The following PON2 variants were observed in gnomAD, a reference collection of about 807,000 sequenced individuals.
PON2 encodes the protein serum paraoxonase/arylesterase 2.
A neutral mutation model predicts 36.6 loss-of-function variants in PON2; 27 were observed. That is an observed-to-expected ratio of 0.74 (90% confidence interval 0.54 to 1.02). The LOEUF is 1.02. Ranked by LOEUF, PON2 falls within the 50% of genes least tolerant of loss-of-function variation. The probability of loss-of-function intolerance (pLI) is 0.00; values close to 1 mark genes in which losing one functional copy is unlikely to be tolerated. For missense variants in PON2, 363 were observed against 421.1 expected, an observed-to-expected ratio of 0.86 and a Z score of 1.21; for synonymous variants, 149 against 156.3, an observed-to-expected ratio of 0.95 and a Z score of 0.35.
In PON2 at chr7:95,405,793, T is replaced by C. The variant is rs554668498; in HGVS notation, c.907-305A>G. 7.9e-5 allele frequency among the ~76,000 whole-genome samples: 12 copies of C among 152,154 alleles called. No homozygotes were observed. In the South Asian group the frequency reaches 2.5e-3, roughly 32 times the overall value. ...TTCACACTACTTCAACATGAACAAA[T>C]ATCACATCATGTGGTGAGCTGACAA... On this transcript the variant is annotated intron_variant, in intron 8 of 8. Transcript: ENST00000222572.
chr7:95,423,660 G>T (rs752050764), intron 2 of PON2, among the ~76,000 whole-genome samples: 9 of 152,178 alleles, frequency 5.9e-5, no homozygotes, highest in Non-Finnish European at 1.0e-4. Context: ...TCATAGCTTA[G>T]AAGATAAAAT....
At chr7:95,427,410 T>C (rs899511671) in intron 1 of PON2, among the ~76,000 whole-genome samples, 1 of 152,128 alleles carries the variant, frequency 6.6e-6, no homozygotes, top group Admixed American at 6.5e-5. Context: ...CAGACTCCGC[T>C]GTATTGAGGT....
chr7:95,424,664 A>C (rs2116496625), intron 1 of PON2, 79 bp from the exon 2 acceptor site: 1 of 1,059,956 alleles, frequency 9.4e-7, no homozygotes, highest in South Asian at 1.3e-5. Context: ...AAGGGTTTAA[A>C]GAGGCTTACA....
At chr7:95,417,620 A>G (rs867178089) in intron 2 of PON2, among the ~76,000 whole-genome samples, 7 of 150,956 alleles carry the variant, frequency 4.6e-5, no homozygotes, top group South Asian at 4.2e-4. Context: ...TCCACTGGTA[A>G]TAAGTTAAGA....
Position 95,406,158 on chromosome 7 carries a change from C to T in PON2, c.867G>A (p.Lys289=). 1 of 1,613,820 alleles carries T rather than the reference C, an allele frequency of 6.2e-7. No individual in the cohort carries two copies. Among genetic ancestry groups the T allele is most frequent in the African/African-American group, 1.3e-5 (1 of 75,016 alleles). The change falls in exon 8 of 9, where the codon AAG becomes AAA. Residue 289 remains lysine (K), a synonymous_variant. Transcript: ENST00000222572. ...IWVGCHPNGQ[K]LFVYDPNNPP... ...GATTGTTCGGGTCATACACGAAGAGCTTCTGGCCATTAGGATGACAGCCTA... is the reference window on the plus strand; with the variant it reads ...GATTGTTCGGGTCATACACGAAGAGTTTCTGGCCATTAGGATGACAGCCTA...
rs544487591 is a variant in PON2 at position 95,412,157 on chromosome 7, G to A, written c.367+155C>T. Among the ~76,000 whole-genome samples, 21 of 152,348 alleles carry A rather than the reference G, an allele frequency of 1.4e-4. No individual in the cohort carries two copies. The Middle Eastern group carries it at 0.01, about 74-fold the overall frequency. ...GTAGCATAACTTACTGCCAGCTGAAGAGGCAAATGAACAAGTTCTTTGTAA... is the reference window on the plus strand; with the variant it reads ...GTAGCATAACTTACTGCCAGCTGAAAAGGCAAATGAACAAGTTCTTTGTAA... On this transcript the variant is annotated intron_variant, in intron 4 of 8. Coordinates refer to ENST00000222572, the MANE Select transcript of PON2 (RefSeq NM_000305.3).
intron 2 of PON2, among the ~76,000 whole-genome samples, chr7:95,417,952 TA>T (rs1438498775): frequency 2.0e-5 from 3 of 152,214 alleles, no homozygotes; most frequent in Non-Finnish European, 4.4e-5. Flanking sequence ...CAAAATTGTA[TA>T]TTTTTTAATA....
Position 95,406,105 on chromosome 7 carries a change from G to T in PON2, c.906+14C>A, listed in dbSNP as rs2116447356. On this transcript the variant is annotated intron_variant, in intron 8 of 8. Transcript: ENST00000222572. ...CTTGAATAATTAAGTTTAAAAAACTGAAAATATAAAAACCTCTGACGAGGG... is the reference window on the plus strand; with the variant it reads ...CTTGAATAATTAAGTTTAAAAAACTTAAAATATAAAAACCTCTGACGAGGG... 6.2e-7 allele frequency: 1 copy of T among 1,612,126 alleles called. No individual in the cohort carries two copies. The highest frequency in any genetic ancestry group is 1.7e-5 in the Admixed American group (1 of 59,938).
intron 6 of PON2, among the ~76,000 whole-genome samples, chr7:95,408,339 A>G (rs1809760364): frequency 6.6e-6 from 1 of 152,230 alleles, no homozygotes. Context: ...AGAGAGGATG[A>G]CAACCTAAAT....
intron 6 of PON2, among the ~76,000 whole-genome samples, chr7:95,407,801 T>C (rs139495195): frequency 1.6e-4 from 25 of 152,260 alleles, no homozygotes; most frequent in African/African-American, 5.8e-4. Flanking sequence ...AGTTCAGGTC[T>C]AGAAATAGCT....
intron 1 of PON2, among the ~76,000 whole-genome samples, chr7:95,432,191 C>T (rs1271594912): frequency 1.3e-5 from 2 of 152,214 alleles, no homozygotes; most frequent in Non-Finnish European, 2.9e-5. Flanking sequence ...AGGAGCATCA[C>T]TTGAGGCTGG....
intron 3 of PON2, 142 bp from the exon 4 acceptor site, chr7:95,412,619 G>T (rs1014041778): frequency 2.5e-6 from 2 of 796,004 alleles, no homozygotes; most frequent in South Asian, 1.6e-5. Flanking sequence ...ACAGAGAAAA[G>T]ATAACAGAAA....
chr7:95,414,123 A>C (rs1469074047), intron 3 of PON2, among the ~76,000 whole-genome samples: 1 of 152,220 alleles, frequency 6.6e-6, no homozygotes, highest in Non-Finnish European at 1.5e-5. Context: ...AGTGGTGTTA[A>C]GCACACTCAC....
At chr7:95,434,824 G>T (rs1232824581) in intron 1 of PON2, 54 bp downstream of exon 1, 37 of 1,518,316 alleles carry the variant, frequency 2.4e-5, no homozygotes, top group Non-Finnish European at 3.2e-5. Flanking sequence ...CGCACCACGC[G>T]GCCACCCCGA....
At chr7:95,429,082 G>A (rs1394013417) in intron 1 of PON2, among the ~76,000 whole-genome samples, 2 of 151,122 alleles carry the variant, frequency 1.3e-5, no homozygotes, top group East Asian at 3.9e-4. Flanking sequence ...TGTGCACAAC[G>A]TGCAGGTTTG....
chr7:95,412,244 A>T lies in PON2; in HGVS notation c.367+68T>A, dbSNP rs1788944040. On this transcript the variant is annotated intron_variant, in intron 4 of 8. Coordinates refer to ENST00000222572, the MANE Select transcript of PON2 (RefSeq NM_000305.3). ...TTCTCTTCCTAGAAATATGATCCAA[A>T]TCTATTTTTCACAGTCATTTGTGAA... 2.6e-6 allele frequency: 4 copies of T among 1,568,098 alleles called. No homozygotes were observed. The South Asian group carries it at 4.4e-5, about 17-fold the overall frequency.
intron 1 of PON2, among the ~76,000 whole-genome samples, chr7:95,429,034 ACTT>A (rs1789378119): frequency 6.6e-6 from 1 of 151,222 alleles, no homozygotes; most frequent in African/African-American, 2.5e-5. Flanking sequence ...CAAAGCATGA[ACTT>A]TTTTTTTTTT....
At position 95,435,013 on chromosome 7, in the gene PON2, A is replaced by G. The variant is rs1409719232; in HGVS notation, c.-62T>C. On this transcript the variant is annotated 5_prime_UTR_variant, in exon 1 of 9. The change abolishes an upstream ATG in the 5' untranslated region. Coordinates refer to ENST00000222572, the MANE Select transcript of PON2 (RefSeq NM_000305.3). ...GGCCAGCAGCTCCGTGGGCGGTGCC[A>G]TCTTCCCGGCTCGATGGTGCCGGCC... 3 of 1,459,730 alleles carry G rather than the reference A, an allele frequency of 2.1e-6. No homozygotes were observed. The highest frequency in any genetic ancestry group is 3.0e-5 in the African/African-American group (2 of 67,714). 90.4% of individuals were successfully genotyped at this position (1,459,730 alleles called of 1,614,324 possible). A position where few individuals can be genotyped will look rare whatever the true frequency, so the allele number is the denominator to read the frequency against.
chr7:95,411,767 T>G lies in PON2; in HGVS notation c.380A>C (p.Tyr127Ser). The G allele has an allele frequency of 1.2e-6, 2 of 1,613,666 alleles. No homozygotes were observed. Among genetic ancestry groups the G allele is most frequent in the Non-Finnish European group, 1.7e-6 (2 of 1,179,700 alleles). ...TTCTGGGTGGTTTACAACAAAGAGATAAACTGTGTCATCTAAAGAATTGAA... is the reference window on the plus strand; with the variant it reads ...TTCTGGGTGGTTTACAACAAAGAGAGAAACTGTGTCATCTAAAGAATTGAA... ...STFIDNDDTVYLFVVNHPEFK... is the reference protein window; with the variant it reads ...STFIDNDDTVSLFVVNHPEFK... The change falls in exon 5 of 9, where the codon TAT becomes TCT. Residue 127 changes from tyrosine (Y) to serine (S), a missense_variant. Coordinates refer to ENST00000222572, the MANE Select transcript of PON2 (RefSeq NM_000305.3).
Sources: allele counts gnomAD v4.1 joint callset (sites outside exome capture counted in the v4.1 genomes callset), GRCh38; gene constraint gnomAD v4.1.1; transcripts MANE v1.5; gene names NCBI Gene and HGNC (gene_info 2026-07-23, HGNC 2026-07-21).